Variants in ABCB7 observed in about 807,000 individuals in gnomAD.
ABCB7 encodes ATP binding cassette subfamily B member 7, also known as iron-sulfur clusters transporter ABCB7, mitochondrial.
In ABCB7, 7 loss-of-function variants were observed where a neutral mutation model predicts 54.4. The ratio of observed to expected loss-of-function variants is 0.13; its 90% CI spans 0.07 to 0.24. The LOEUF is 0.24. Among genes scored for constraint, ABCB7 ranks in the 10% least tolerant of loss-of-function variants. ABCB7 has a pLI of 1.00. For missense variants in ABCB7, 356 were observed against 570.4 expected, an observed-to-expected ratio of 0.62 and a Z score of 3.83; for synonymous variants, 218 against 207.1, an observed-to-expected ratio of 1.05 and a Z score of -0.45.
chrX:75,095,141 TTTC>T (rs2081579747), intron 4 of ABCB7, among the ~76,000 whole-genome samples: 1 of 111,241 alleles, frequency 9.0e-6, no homozygotes. Flanking sequence ...TTCCTCCTGT[TTTC>T]TTCTTCTTAC....
At chrX:75,094,330 C>T (rs1221721482) in intron 4 of ABCB7, among the ~76,000 whole-genome samples, 1 of 110,753 alleles carries the variant, frequency 9.0e-6, no homozygotes. Flanking sequence ...AGGTAACATA[C>T]ATTTTATAAA....
intron 1 of ABCB7, among the ~76,000 whole-genome samples, chrX:75,135,995 GAA>G (rs139245685): frequency 9.8e-6 from 1 of 101,876 alleles, no homozygotes; most frequent in Non-Finnish European, 2.0e-5. Context: ...TCAGGCAAGA[GAA>G]AAAAAAAAAG....
rs1262011775 is a variant in ABCB7, at chrX:75,070,538, A to G, written c.1208-16T>C. ...GTAAGGGTACCTTAAAAGGCAGAAG[A>G]AAAAAAGGGTATTTTAGATAAATGT... is the stretch of plus-strand genomic sequence containing the variant. On this transcript the variant is annotated splice_polypyrimidine_tract_variant and intron_variant, in intron 9 of 15. Transcript: ENST00000373394. 31 of 1,197,117 alleles carry G rather than the reference A, an allele frequency of 2.6e-5. No homozygotes were observed. The highest frequency in any genetic ancestry group is 3.3e-5 in the Non-Finnish European group (29 of 884,289).
At chrX:75,056,320 C>G (rs772406970) in intron 15 of ABCB7, among the ~76,000 whole-genome samples, 2 of 111,944 alleles carry the variant, frequency 1.8e-5, no homozygotes, top group Admixed American at 9.5e-5. Context: ...TTACATTTCA[C>G]GTGTTAGTTG....
chrX:75,115,136 C>T (rs1042431598), intron 1 of ABCB7, among the ~76,000 whole-genome samples: 5 of 107,107 alleles, frequency 4.7e-5, no homozygotes, highest in East Asian at 5.9e-4. Flanking sequence ...GGCGTGGTGG[C>T]GTGCGCCTGT....
At position 75,091,675 on chromosome X, in the gene ABCB7, GA is replaced by G. The variant is rs61662732; in HGVS notation, c.453+7266del. Among the ~76,000 whole-genome samples the G allele has an allele frequency of 5.6e-3, 570 of 101,238 alleles. 1 individual carries two copies. Among genetic ancestry groups the G allele is most frequent in the African/African-American group, 0.014 (393 of 28,206 alleles). The allele number at this position is 101,238 out of a possible 115,157, so 87.9% of individuals were successfully genotyped here. On this transcript the variant is annotated intron_variant, in intron 4 of 15. Coordinates refer to ENST00000373394, the MANE Select transcript of ABCB7 (RefSeq NM_001271696.3). ...ATATAATTGTCTATACAGAAAATCT[GA>G]AAAAAAAAAATCAACAAAAAACCCT...
chrX:75,104,784 C>T (rs1464427057), intron 3 of ABCB7, among the ~76,000 whole-genome samples: 1 of 111,430 alleles, frequency 9.0e-6, no homozygotes, highest in Non-Finnish European at 1.9e-5. Context: ...CTGATGAACA[C>T]AGATGTAAAA....
At chrX:75,131,216 T>C (rs2081971337) in intron 1 of ABCB7, among the ~76,000 whole-genome samples, 1 of 108,658 alleles carries the variant, frequency 9.2e-6, no homozygotes, top group Non-Finnish European at 1.9e-5. Context: ...TTAAGAGTAA[T>C]ACTAGATGCA....
chrX:75,097,131 T>C (rs1346485694), intron 4 of ABCB7, among the ~76,000 whole-genome samples: 1 of 111,760 alleles, frequency 8.9e-6, no homozygotes, highest in Non-Finnish European at 1.9e-5. Flanking sequence ...TTAAATACAT[T>C]TTTCTGTCTC....
chrX:75,080,458 C>A (rs6647619), intron 4 of ABCB7, among the ~76,000 whole-genome samples: 1,365 of 111,046 alleles, frequency 0.012, 23 homozygotes, highest in African/African-American at 0.043. Flanking sequence ...TTGCACGCCA[C>A]CAGGCCCAGC....
intron 14 of ABCB7, 66 bp downstream of exon 14, chrX:75,062,262 T>C: frequency 1.0e-6 from 1 of 999,602 alleles, no homozygotes; most frequent in Non-Finnish European, 1.4e-6. Context: ...AATGCAGCCA[T>C]TTTACTGAAA....
chrX:75,089,510 A>G (rs2081527985), intron 4 of ABCB7, among the ~76,000 whole-genome samples: 1 of 111,128 alleles, frequency 9.0e-6, no homozygotes, highest in Non-Finnish European at 1.9e-5. Context: ...TAAATGTATA[A>G]TGCAAACTCT....
chrX:75,132,026 C>T (rs749431267), intron 1 of ABCB7, among the ~76,000 whole-genome samples: 1 of 111,764 alleles, frequency 8.9e-6, no homozygotes, highest in South Asian at 3.8e-4. Flanking sequence ...GAGTCCCCAC[C>T]CCTCCTCTTC....
Position 75,112,553 on chromosome X carries a change from C to T in ABCB7, c.333+333G>A, listed in dbSNP as rs4148839. 1.1e-3 allele frequency among the ~76,000 whole-genome samples: 125 copies of T among 111,547 alleles called. No homozygotes were observed. In the East Asian group the frequency reaches 0.02, roughly 18 times the overall value. On this transcript the variant is annotated intron_variant, in intron 3 of 15. Coordinates refer to ENST00000373394, the MANE Select transcript of ABCB7 (RefSeq NM_001271696.3). ...GGGGAAACATTAACCTTGAAGCACA[C>T]GCACACACACAAATTGTTTTTTAGG...
At chrX:75,126,429 C>G (rs1341420896) in intron 1 of ABCB7, among the ~76,000 whole-genome samples, 2 of 111,444 alleles carry the variant, frequency 1.8e-5, no homozygotes, top group Non-Finnish European at 3.8e-5. Context: ...ATTTATAGCA[C>G]TAAATGCCCA....
At chrX:75,064,964 G>A in intron 13 of ABCB7, 106 bp downstream of exon 13, 1 of 923,362 alleles carries the variant, frequency 1.1e-6, no homozygotes, top group Non-Finnish European at 1.5e-6. Context: ...GACTCAACGA[G>A]CACTACATTT....
At chrX:75,146,613 C>T (rs1368623402) in intron 1 of ABCB7, among the ~76,000 whole-genome samples, 4 of 111,711 alleles carry the variant, frequency 3.6e-5, no homozygotes, top group Admixed American at 1.9e-4. Context: ...AACTGGCTAG[C>T]CACAGGCCGA....
chrX:75,112,418 TATA>T (rs746215677), intron 3 of ABCB7, among the ~76,000 whole-genome samples: 2 of 111,724 alleles, frequency 1.8e-5, no homozygotes, highest in East Asian at 5.6e-4. Flanking sequence ...AGCATGTCTG[TATA>T]ATGATAATAA....
rs2081197322 is a variant in ABCB7, at chrX:75,051,724, C to T, written c.*1646G>A. On this transcript the variant is annotated 3_prime_UTR_variant, in exon 16 of 16. Coordinates refer to ENST00000373394, the MANE Select transcript of ABCB7 (RefSeq NM_001271696.3). ...GATCTTTTAATAAATTCTGAAGTGTCAACACAGATTAGAGTCTTGATCATC... is the reference window on the plus strand; with the variant it reads ...GATCTTTTAATAAATTCTGAAGTGTTAACACAGATTAGAGTCTTGATCATC... The T allele has an allele frequency of 8.9e-6, 1 of 112,024 alleles. No individual in the cohort carries two copies. Among genetic ancestry groups the T allele is most frequent in the Non-Finnish European group, 1.9e-5 (1 of 53,156 alleles). 9.2% of individuals were successfully genotyped at this position (112,024 alleles called of 1,213,427 possible).
Sources: allele counts gnomAD v4.1 joint callset (sites outside exome capture counted in the v4.1 genomes callset), GRCh38; gene constraint gnomAD v4.1.1; transcripts MANE v1.5; gene names NCBI Gene and HGNC (gene_info 2026-07-23, HGNC 2026-07-21).